The following WWC1 variants were observed in gnomAD, a reference collection of about 807,000 sequenced individuals.
WWC1 encodes WW and C2 domain containing 1.
Under a neutral mutation model 138.4 loss-of-function variants are expected in WWC1, and 55 were observed. That is an observed-to-expected ratio of 0.40 (90% confidence interval 0.32 to 0.50). WWC1 has a LOEUF of 0.50. Ranked by LOEUF, WWC1 falls within the 20% of genes least tolerant of loss-of-function variation. The pLI is 0.72. For missense variants in WWC1, 1,226 were observed against 1,420.4 expected (o/e 0.86, Z 2.20); for synonymous variants, 524 against 564.9 (o/e 0.93, Z 1.03).
chr5:168,302,429 C>A (rs557855977), intron 1 of WWC1, among the ~76,000 whole-genome samples: 1 of 152,068 alleles, frequency 6.6e-6, no homozygotes, highest in Non-Finnish European at 1.5e-5. Flanking sequence ...ATAGATAAAT[C>A]GCATTATGAC....
At chr5:168,335,702 G>T (rs898593959) in intron 1 of WWC1, among the ~76,000 whole-genome samples, 2 of 152,224 alleles carry the variant, frequency 1.3e-5, no homozygotes, top group Non-Finnish European at 2.9e-5. Flanking sequence ...TCTGAGCACT[G>T]TGTCACCTCC....
chr5:168,452,873 A>G (rs1021919149), intron 17 of WWC1, among the ~76,000 whole-genome samples: 1 of 152,182 alleles, frequency 6.6e-6, no homozygotes. Flanking sequence ...ATTTAAAGGC[A>G]GGTGAACAGA....
intron 11 of WWC1, among the ~76,000 whole-genome samples, chr5:168,427,548 ATTTTTTTTTTTTTT>A (rs34177139): frequency 2.0e-5 from 2 of 101,150 alleles, no homozygotes; most frequent in African/African-American, 8.1e-5. Context: ...CTTTTTTTTA[ATTTTTTTTTTTTTT>A]TTTTTTTTTT....
chr5:168,455,712 G>T (rs1343171334), intron 19 of WWC1, among the ~76,000 whole-genome samples, 192 bp downstream of exon 19: 2 of 152,190 alleles, frequency 1.3e-5, no homozygotes, highest in Non-Finnish European at 2.9e-5. Flanking sequence ...AATAGAAAAG[G>T]CTTTGTAATT....
At chr5:168,388,456 G>A (rs1207130419) in intron 3 of WWC1, among the ~76,000 whole-genome samples, 1 of 151,900 alleles carries the variant, frequency 6.6e-6, no homozygotes, top group East Asian at 1.9e-4. Context: ...TGTCTACATA[G>A]ATTTTATGAA....
chr5:168,293,284 G>A (rs1391359929), intron 1 of WWC1, among the ~76,000 whole-genome samples: 1 of 152,236 alleles, frequency 6.6e-6, no homozygotes, highest in Non-Finnish European at 1.5e-5. Context: ...TGTGGGCAGA[G>A]TGTCTTGGGG....
intron 15 of WWC1, among the ~76,000 whole-genome samples, chr5:168,438,451 T>C (rs941810798): frequency 1.7e-4 from 26 of 152,326 alleles, no homozygotes; most frequent in African/African-American, 6.0e-4. Flanking sequence ...CTTCCCCTTC[T>C]GCCATGATTA....
intron 1 of WWC1, among the ~76,000 whole-genome samples, chr5:168,364,746 G>C (rs1342563109): frequency 6.6e-6 from 1 of 152,222 alleles, no homozygotes; most frequent in East Asian, 1.9e-4. Context: ...GCAGTGGTCA[G>C]AGGAATAATC....
Position 168,434,749 on chromosome 5 carries a change from C to T in WWC1, c.2280+3305C>T, listed in dbSNP as rs569303599. Among the ~76,000 whole-genome samples, 12 of 152,284 alleles carry T rather than the reference C, an allele frequency of 7.9e-5. No homozygotes were observed. The South Asian group carries it at 1.5e-3, about 18-fold the overall frequency. ...AATACACAGCCCACCTTCCCAATAT[C>T]GCAGGCAACAGTTCCACCAAATGCC... On this transcript the variant is annotated intron_variant, in intron 15 of 22. Transcript: ENST00000265293.
intron 15 of WWC1, among the ~76,000 whole-genome samples, chr5:168,439,936 G>GT (rs1358204953): frequency 1.3e-5 from 2 of 152,176 alleles, no homozygotes; most frequent in Non-Finnish European, 2.9e-5. Context: ...TAGTGGAGAA[G>GT]AAATGATACA....
At chr5:168,422,888 G>A (rs1297564818) in intron 10 of WWC1, among the ~76,000 whole-genome samples, 1 of 152,118 alleles carries the variant, frequency 6.6e-6, no homozygotes, top group Non-Finnish European at 1.5e-5. Flanking sequence ...GCTTACGCCT[G>A]TAATCCTACC....
chr5:168,385,406 A>G lies in WWC1; in HGVS notation c.425A>G (p.Gln142Arg), dbSNP rs1777968953. 1 of 1,613,514 alleles carries G rather than the reference A, an allele frequency of 6.2e-7. No homozygotes were observed. The highest frequency in any genetic ancestry group is 1.3e-5 in the African/African-American group (1 of 74,918). ...GTCTGGGAGCATAAGCTGGGCTCCC[A>G]GGTCAGCTGTGAGTACCTCCCACTA... ...HAVWEHKLGSQVSLVSGSSSS... is the reference protein window; with the variant it reads ...HAVWEHKLGSRVSLVSGSSSS... The change falls in exon 3 of 23, where the codon CAG becomes CGG. Residue 142 changes from glutamine to arginine, a missense_variant. Gln to Arg is a conservative substitution (Grantham distance 43). Coordinates refer to ENST00000265293, the MANE Select transcript of WWC1 (RefSeq NM_015238.3).
At chr5:168,410,931 C>CTTTCCT (rs1780182376) in intron 8 of WWC1, among the ~76,000 whole-genome samples, 1 of 114,480 alleles carries the variant, frequency 8.7e-6, no homozygotes, top group African/African-American at 3.3e-5. Flanking sequence ...ATGATCTTTG[C>CTTTCCT]TTTTTTTTTT....
chr5:168,345,062 T>G (rs1203226573), intron 1 of WWC1, among the ~76,000 whole-genome samples: 1 of 152,166 alleles, frequency 6.6e-6, no homozygotes, highest in African/African-American at 2.4e-5. Flanking sequence ...GTTTTATCTG[T>G]TTTCCTGTGG....
intron 18 of WWC1, 32 bp from the exon 19 acceptor site, chr5:168,455,324 C>T (rs1479732422): frequency 2.6e-6 from 4 of 1,547,732 alleles, no homozygotes; most frequent in South Asian, 1.2e-5. Context: ...TCTGTGGACA[C>T]TGGTGGCTTC....
At chr5:168,412,772 A>G (rs1330785941) in intron 8 of WWC1, among the ~76,000 whole-genome samples, 1 of 152,152 alleles carries the variant, frequency 6.6e-6, no homozygotes, top group Non-Finnish European at 1.5e-5. Flanking sequence ...TATAACAACT[A>G]TTTACATAGC....
chr5:168,422,265 G>T (rs901067481), intron 10 of WWC1, among the ~76,000 whole-genome samples, 168 bp downstream of exon 10: 7 of 152,224 alleles, frequency 4.6e-5, no homozygotes, highest in Admixed American at 1.3e-4. Context: ...GCCTGGTGTA[G>T]CTAGGAATAG....
At chr5:168,461,377 A>T (rs1179082984) in intron 20 of WWC1, among the ~76,000 whole-genome samples, 1 of 152,204 alleles carries the variant, frequency 6.6e-6, no homozygotes, top group Non-Finnish European at 1.5e-5. Flanking sequence ...CATCAGTTAG[A>T]GCGCGTCATC....
chr5:168,451,719 A>G (rs1478357236), intron 17 of WWC1, among the ~76,000 whole-genome samples: 1 of 151,250 alleles, frequency 6.6e-6, no homozygotes, highest in East Asian at 1.9e-4. Context: ...TCTAAAAACA[A>G]AGAAAGAAAA....
Sources: gnomAD v4.1 joint callset for allele counts (sites outside exome capture counted in the v4.1 genomes callset) on GRCh38, gnomAD v4.1.1 for gene constraint, MANE v1.5 for transcripts, NCBI Gene and HGNC (gene_info 2026-07-23, HGNC 2026-07-21) for gene names.